SPRY3: variants seen among roughly 807,000 people sequenced by gnomAD.
The protein encoded by SPRY3 is sprouty RTK signaling antagonist 3.
SPRY3 carries 15 observed loss-of-function variants against 20.2 expected under a neutral mutation model. The ratio of observed to expected loss-of-function variants is 0.74; its 90% CI spans 0.50 to 1.14. The LOEUF (loss-of-function observed/expected upper bound fraction) is 1.14, where lower values mean the gene tolerates loss of function less well. Ranked by LOEUF, SPRY3 falls within the 50% of genes most tolerant of loss-of-function variation. The pLI is 0.00. For missense variants in SPRY3, 364 were observed against 363.9 expected (o/e 1.00, Z 0.00); for synonymous variants, 143 against 136.5 (o/e 1.05, Z -0.33).
At chrX:155,773,699 G>A in intron 3 of SPRY3, 67 bp from the exon 3 acceptor site, 1 of 707,420 alleles carries the variant, frequency 1.4e-6, no homozygotes, top group South Asian at 1.9e-5. Flanking sequence ...CCTGAGCTTT[G>A]TTGGTTTCTT....
At chrX:155,774,623 G>A (rs758494695) in exon 4 of SPRY3, 1 of 1,613,986 alleles carries the variant, frequency 6.2e-7, no homozygotes, top group Non-Finnish European at 8.5e-7. Context: ...TGCCAACAGG[G>A]CTATGATAGC....
At chrX:155,694,412 C>T (rs1428148838) in intron 2 of SPRY3, among the ~76,000 whole-genome samples, 1 of 110,823 alleles carries the variant, frequency 9.0e-6, no homozygotes. Context: ...ACCTTGGAAA[C>T]ATACAGACCT....
rs183699481 is a variant in SPRY3 at position 155,633,892 on chromosome X, C to A, written c.-441+21245C>A. Among the ~76,000 whole-genome samples, 12 of 111,451 alleles carry A rather than the reference C, an allele frequency of 1.1e-4. No individual in the cohort carries two copies. The East Asian group carries it at 3.1e-3, about 29-fold the overall frequency. On this transcript the variant is annotated intron_variant, in intron 1 of 3. Coordinates refer to ENST00000675360, the Ensembl canonical transcript of SPRY3. Reference sequence around the variant, plus strand: ...TTCCCATTAGTAACAGAATAGTAAACCACCATGGTGAAACCCTGTCTCTAC... The same window carrying A: ...TTCCCATTAGTAACAGAATAGTAAAACACCATGGTGAAACCCTGTCTCTAC...
At chrX:155,647,144 G>A (rs1290504385) in intron 1 of SPRY3, among the ~76,000 whole-genome samples, 2 of 111,247 alleles carry the variant, frequency 1.8e-5, no homozygotes, top group Non-Finnish European at 3.8e-5. Context: ...ATCCATTGCT[G>A]AATATGGGAA....
intron 2 of SPRY3, among the ~76,000 whole-genome samples, chrX:155,748,486 C>T (rs999866542): frequency 3.3e-5 from 5 of 151,650 alleles, no homozygotes; most frequent in African/African-American, 9.7e-5. Flanking sequence ...CCTGGAATAA[C>T]CCCAAGGTCA....
intron 2 of SPRY3, among the ~76,000 whole-genome samples, chrX:155,703,794 C>A (rs2124533722): frequency 6.6e-6 from 1 of 151,634 alleles, no homozygotes; most frequent in South Asian, 2.1e-4. Flanking sequence ...TGAATGTGTC[C>A]CAGAGATTCT....
At chrX:155,679,499 G>A (rs775747923) in intron 2 of SPRY3, among the ~76,000 whole-genome samples, 8 of 111,059 alleles carry the variant, frequency 7.2e-5, no homozygotes, top group African/African-American at 2.3e-4. Flanking sequence ...CAGCCCTTTT[G>A]TAATGTCAAT....
intron 3 of SPRY3, among the ~76,000 whole-genome samples, chrX:155,768,918 C>T (rs933182748): frequency 3.9e-5 from 6 of 152,216 alleles, no homozygotes; most frequent in African/African-American, 1.2e-4. Flanking sequence ...ACCTTGAACT[C>T]TTAAGCAGAA....
At chrX:155,713,650 T>C (rs892377023) in intron 2 of SPRY3, among the ~76,000 whole-genome samples, 3 of 152,142 alleles carry the variant, frequency 2.0e-5, no homozygotes, top group African/African-American at 7.2e-5. Context: ...CCTTTGAGAG[T>C]TTGATTGTTA....
At chrX:155,646,467 G>A (rs1557351882) in intron 1 of SPRY3, among the ~76,000 whole-genome samples, 1 of 111,501 alleles carries the variant, frequency 9.0e-6, no homozygotes, top group African/African-American at 3.3e-5. Context: ...TTTCAACAAT[G>A]TTTTCTAGTT....
intron 2 of SPRY3, among the ~76,000 whole-genome samples, chrX:155,758,576 A>G (rs189882430): frequency 6.6e-6 from 1 of 152,340 alleles, no homozygotes; most frequent in Non-Finnish European, 1.5e-5. Context: ...GCACTTCTAA[A>G]GAGCTCCTGC....
At chrX:155,696,283 G>C (rs1461287847) in intron 2 of SPRY3, among the ~76,000 whole-genome samples, 3 of 107,958 alleles carry the variant, frequency 2.8e-5, no homozygotes, top group Non-Finnish European at 5.8e-5. Flanking sequence ...AGAGAGTCTG[G>C]AGTTAATAGT....
intron 2 of SPRY3, among the ~76,000 whole-genome samples, chrX:155,744,574 C>T (rs2091217315): frequency 6.6e-6 from 1 of 152,020 alleles, no homozygotes; most frequent in Admixed American, 6.6e-5. Context: ...CTTTCAGTGT[C>T]ATGCTGTACA....
chrX:155,746,023 C>T (rs1250137603), intron 2 of SPRY3, among the ~76,000 whole-genome samples: 1 of 152,018 alleles, frequency 6.6e-6, no homozygotes, highest in African/African-American at 2.4e-5. Context: ...AAGGATTTTT[C>T]CAGCATAAAT....
chrX:155,705,394 A>G (rs1437007094), intron 2 of SPRY3, among the ~76,000 whole-genome samples: 1 of 151,480 alleles, frequency 6.6e-6, no homozygotes, highest in Non-Finnish European at 1.5e-5. Context: ...AAGATAAAGC[A>G]GAATTTTTAA....
Position 155,623,657 on chromosome X carries a change from T to C in SPRY3, c.-441+11010T>C, listed in dbSNP as rs1031625574. Among the ~76,000 whole-genome samples the C allele has an allele frequency of 4.5e-4, 50 of 112,156 alleles. 1 individual carries two copies. The highest frequency in any genetic ancestry group is 3.6e-4 in the Non-Finnish European group (19 of 53,151). Reference sequence around the variant, plus strand: ...GAACTGACTCGCCCTGAATTTTTCATGTTTTAGTTAGAACTTGTCATTGCT... The same window carrying C: ...GAACTGACTCGCCCTGAATTTTTCACGTTTTAGTTAGAACTTGTCATTGCT... On this transcript the variant is annotated intron_variant, in intron 1 of 3. Coordinates refer to ENST00000675360, the Ensembl canonical transcript of SPRY3.
intron 2 of SPRY3, among the ~76,000 whole-genome samples, chrX:155,747,416 C>G (rs1390760656): frequency 2.0e-5 from 3 of 151,892 alleles, no homozygotes; most frequent in East Asian, 3.9e-4. Context: ...AAAGATTTTC[C>G]TATTTTCATT....
chrX:155,739,170 G>C (rs1400102692), intron 2 of SPRY3, among the ~76,000 whole-genome samples: 1 of 152,178 alleles, frequency 6.6e-6, no homozygotes, highest in Admixed American at 6.5e-5. Context: ...AAGCACAGCT[G>C]CTGCTGTGCC....
At chrX:155,691,155 C>T (rs1241942869) in intron 2 of SPRY3, among the ~76,000 whole-genome samples, 1 of 86,896 alleles carries the variant, frequency 1.2e-5, no homozygotes, top group Non-Finnish European at 2.1e-5. Flanking sequence ...GCTTGTTTGC[C>T]CCAAGAATAC....
Sources: allele counts gnomAD v4.1 joint callset (sites outside exome capture counted in the v4.1 genomes callset), GRCh38; gene constraint gnomAD v4.1.1; transcripts MANE v1.5; gene names NCBI Gene and HGNC (gene_info 2026-07-23, HGNC 2026-07-21).